The following RIMS2 variants were observed in gnomAD, a reference collection of about 807,000 sequenced individuals.
RIMS2 encodes regulating synaptic membrane exocytosis protein 2.
Under a neutral mutation model 174.4 loss-of-function variants are expected in RIMS2, and 59 were observed. That is an observed-to-expected ratio of 0.34 (90% CI 0.27 to 0.42). The LOEUF (loss-of-function observed/expected upper bound fraction) is 0.42, where lower values mean the gene tolerates loss of function less well. RIMS2 is among the 10% of genes least tolerant of loss of function. The pLI is 1.00. For missense variants in RIMS2, 1,620 were observed against 1,666.3 expected (o/e 0.97, Z 0.48); for synonymous variants, 606 against 572.5 (o/e 1.06, Z -0.84).
intron 3 of RIMS2, among the ~76,000 whole-genome samples, chr8:103,769,909 T>A (rs1007833280): frequency 4.6e-5 from 7 of 152,170 alleles, no homozygotes; most frequent in African/African-American, 1.7e-4. Context: ...CAAAAATTAC[T>A]TTTAGTCAGG....
intron 3 of RIMS2, among the ~76,000 whole-genome samples, chr8:103,815,684 A>C (rs1327839890): frequency 2.0e-5 from 3 of 152,210 alleles, no homozygotes; most frequent in Non-Finnish European, 4.4e-5. Flanking sequence ...AGAAGGATAG[A>C]GACTTGGACA....
At chr8:103,647,895 G>GTTTTTTTT (rs1491274748) in intron 1 of RIMS2, among the ~76,000 whole-genome samples, 1 of 113,684 alleles carries the variant, frequency 8.8e-6, no homozygotes, top group East Asian at 2.2e-4. Context: ...ATTTTTTTTT[G>GTTTTTTTT]ATTTTTTTTT....
chr8:104,144,770 G>A (rs1161553734), intron 19 of RIMS2, among the ~76,000 whole-genome samples: 1 of 151,866 alleles, frequency 6.6e-6, no homozygotes, highest in Non-Finnish European at 1.5e-5. Context: ...GATGACTGGC[G>A]CATCATCTCA....
intron 3 of RIMS2, among the ~76,000 whole-genome samples, chr8:103,791,072 G>T (rs1225445929): frequency 1.3e-5 from 2 of 152,126 alleles, no homozygotes; most frequent in African/African-American, 4.8e-5. Flanking sequence ...TACAGAGAAT[G>T]CCACAAAAGA....
At chr8:103,740,624 C>T (rs565131452) in intron 2 of RIMS2, among the ~76,000 whole-genome samples, 62 of 152,206 alleles carry the variant, frequency 4.1e-4, no homozygotes, top group African/African-American at 1.3e-3. Flanking sequence ...AATTTAATTT[C>T]GAATAACCTG....
chr8:103,655,068 T>C (rs2096509544), intron 1 of RIMS2, among the ~76,000 whole-genome samples: 1 of 151,916 alleles, frequency 6.6e-6, no homozygotes, highest in Non-Finnish European at 1.5e-5. Context: ...TAGGAAGATT[T>C]ACTAATTTTG....
intron 3 of RIMS2, among the ~76,000 whole-genome samples, chr8:103,795,625 G>A (rs2098544313): frequency 6.6e-6 from 1 of 151,720 alleles, no homozygotes; most frequent in Non-Finnish European, 1.5e-5. Flanking sequence ...AAGAGGATAA[G>A]CCTGTATTTA....
At chr8:103,931,306 C>A (rs2079882668) in exon 12 of RIMS2, 1 of 1,603,762 alleles carries the variant, frequency 6.2e-7, no homozygotes, top group South Asian at 1.1e-5. Flanking sequence ...TTAATAGTTA[C>A]AATTTTGGGA....
exon 24 of RIMS2, chr8:104,251,711 A>G: frequency 1.9e-6 from 3 of 1,610,044 alleles, no homozygotes; most frequent in Non-Finnish European, 2.6e-6. Flanking sequence ...GGATGGTTCA[A>G]ACTTTTCCCA....
At chr8:104,232,359 A>G (rs769223062) in intron 19 of RIMS2, among the ~76,000 whole-genome samples, 2 of 152,256 alleles carry the variant, frequency 1.3e-5, no homozygotes, top group Non-Finnish European at 2.9e-5. Flanking sequence ...TTAGCTTAAT[A>G]TAAACTAGCA....
chr8:103,703,085 G>A (rs964673469), intron 2 of RIMS2, among the ~76,000 whole-genome samples: 3 of 150,376 alleles, frequency 2.0e-5, no homozygotes, highest in Admixed American at 1.3e-4. Flanking sequence ...GAGCTCAAAT[G>A]ATCCTCCTGC....
At chr8:103,587,300 C>T (rs1244281625) in intron 1 of RIMS2, among the ~76,000 whole-genome samples, 1 of 151,802 alleles carries the variant, frequency 6.6e-6, no homozygotes, top group Admixed American at 6.6e-5. Flanking sequence ...GATACCAGTT[C>T]TACTCAAATT....
chr8:103,519,749 T>TTA (rs1359708399), intron 1 of RIMS2, among the ~76,000 whole-genome samples: 17 of 151,378 alleles, frequency 1.1e-4, no homozygotes, highest in Non-Finnish European at 2.2e-4. Context: ...TTTTTTTTTT[T>TTA]TTTTAACCTC....
intron 2 of RIMS2, among the ~76,000 whole-genome samples, chr8:103,710,346 A>T (rs900430893): frequency 2.0e-5 from 3 of 152,154 alleles, no homozygotes; most frequent in Non-Finnish European, 4.4e-5. Context: ...CTTAACATTT[A>T]GTTAATTCTC....
chr8:103,593,067 T>C (rs1007460190), intron 1 of RIMS2, among the ~76,000 whole-genome samples: 1 of 151,510 alleles, frequency 6.6e-6, no homozygotes, highest in East Asian at 1.9e-4. Context: ...AGACATTTTC[T>C]TGAAATTGAA....
chr8:103,602,198 A>G (rs926427951), intron 1 of RIMS2, among the ~76,000 whole-genome samples: 2 of 152,094 alleles, frequency 1.3e-5, no homozygotes, highest in Admixed American at 1.3e-4. Context: ...CATGTTAGCC[A>G]GGATGGTCTC....
chr8:103,573,866 G>T (rs1432779310), intron 1 of RIMS2, among the ~76,000 whole-genome samples: 1 of 151,982 alleles, frequency 6.6e-6, no homozygotes, highest in Non-Finnish European at 1.5e-5. Context: ...ATTTGTTTGT[G>T]TCCTCTGTGA....
chr8:103,834,453 C>T (rs1268288225), intron 3 of RIMS2, among the ~76,000 whole-genome samples: 5 of 151,070 alleles, frequency 3.3e-5, no homozygotes, highest in South Asian at 2.1e-4. Flanking sequence ...CCTCCTGCCA[C>T]GGCCTCCCAA....
intron 10 of RIMS2, among the ~76,000 whole-genome samples, chr8:103,922,431 T>G (rs1241967313): frequency 3.9e-5 from 6 of 152,042 alleles, no homozygotes; most frequent in Non-Finnish European, 8.8e-5. Flanking sequence ...TTTACAAATC[T>G]AAGTCTTTAC....
Sources: gnomAD v4.1 joint callset for allele counts (sites outside exome capture counted in the v4.1 genomes callset) on GRCh38, gnomAD v4.1.1 for gene constraint, MANE v1.5 for transcripts, NCBI Gene and HGNC (gene_info 2026-07-23, HGNC 2026-07-21) for gene names.